AXDND1: variants seen among roughly 807,000 people sequenced by gnomAD.
AXDND1 encodes axonemal dynein light chain domain containing 1.
Under a neutral mutation model 137.5 loss-of-function variants are expected in AXDND1, and 110 were observed. The observed-to-expected ratio is 0.80, with a 90% CI of 0.69 to 0.94. The LOEUF (loss-of-function observed/expected upper bound fraction) is 0.94. AXDND1 is among the 40% of genes least tolerant of loss of function. The pLI, the probability that AXDND1 is intolerant of heterozygous loss-of-function variation, is 0.00. For synonymous variants in AXDND1, 414 were observed against 399.7 expected, an observed-to-expected ratio of 1.04 and a Z score of -0.43; for missense variants, 1,191 against 1,169.8, an observed-to-expected ratio of 1.02 and a Z score of -0.26.
rs1667970642 is a variant in AXDND1, at chr1:179,370,888, C to G, written c.374+810C>G. Among the ~76,000 whole-genome samples, 7 of 152,262 alleles carry G rather than the reference C, an allele frequency of 4.6e-5. No homozygotes were observed. In the South Asian group the frequency reaches 1.4e-3, roughly 32 times the overall value. On this transcript the variant is annotated intron_variant, in intron 4 of 25. Coordinates refer to ENST00000367618, the MANE Select transcript of AXDND1 (RefSeq NM_144696.6). ...TAAAGCACAAATAAGATAATAGATG[C>G]AAGAGCACTTGTAAAACTATAATGT...
intron 20 of AXDND1, among the ~76,000 whole-genome samples, chr1:179,505,604 C>T (rs930045325): frequency 2.6e-5 from 4 of 151,356 alleles, no homozygotes; most frequent in Non-Finnish European, 4.4e-5. Flanking sequence ...GCCGAGATTG[C>T]TCCACTGCAT....
intron 10 of AXDND1, among the ~76,000 whole-genome samples, chr1:179,394,893 G>A (rs1024512122): frequency 1.3e-5 from 2 of 152,066 alleles, no homozygotes; most frequent in African/African-American, 4.8e-5. Flanking sequence ...TCTGATTCCT[G>A]CCAGCCTGAT....
intron 9 of AXDND1, among the ~76,000 whole-genome samples, chr1:179,388,821 C>T (rs1469931622): frequency 6.6e-6 from 1 of 150,394 alleles, no homozygotes; most frequent in Non-Finnish European, 1.5e-5. Flanking sequence ...GTCTTGAACT[C>T]CTGGCCTCAA....
chr1:179,501,017 A>G (rs1397407148), intron 20 of AXDND1, among the ~76,000 whole-genome samples: 1 of 152,232 alleles, frequency 6.6e-6, no homozygotes, highest in Non-Finnish European at 1.5e-5. Flanking sequence ...CATATTAGCC[A>G]TATTTTAAGT....
intron 12 of AXDND1, among the ~76,000 whole-genome samples, chr1:179,423,243 T>C (rs894106974): frequency 7.2e-5 from 11 of 152,106 alleles, no homozygotes; most frequent in African/African-American, 2.4e-4. Flanking sequence ...TTATCTGATA[T>C]AAATATAGCT....
At chr1:179,481,617 C>T (rs137952272) in intron 17 of AXDND1, among the ~76,000 whole-genome samples, 6,952 of 152,232 alleles carry the variant, frequency 0.046, 240 homozygotes, top group Non-Finnish European at 0.069. Flanking sequence ...TAAAAGTGTT[C>T]CTATTTCCCC....
intron 6 of AXDND1, among the ~76,000 whole-genome samples, chr1:179,381,943 A>ATTTT (rs71111920): frequency 5.7e-5 from 6 of 105,434 alleles, no homozygotes; most frequent in Admixed American, 2.2e-4. Context: ...ACCACACCTA[A>ATTTT]TTTTTTTTTT....
chr1:179,504,113 A>G (rs749732258), intron 20 of AXDND1, among the ~76,000 whole-genome samples: 7 of 152,194 alleles, frequency 4.6e-5, no homozygotes, highest in Non-Finnish European at 8.8e-5. Context: ...ATATTTTACT[A>G]TTTGAAAATA....
At chr1:179,376,957 A>G (rs559768120) in intron 4 of AXDND1, among the ~76,000 whole-genome samples, 1 of 151,912 alleles carries the variant, frequency 6.6e-6, no homozygotes, top group South Asian at 2.1e-4. Context: ...TTTGAGATGG[A>G]GTCTCACTCT....
chr1:179,501,452 C>T (rs192874789), intron 20 of AXDND1, among the ~76,000 whole-genome samples: 57 of 152,298 alleles, frequency 3.7e-4, no homozygotes, highest in Non-Finnish European at 6.3e-4. Flanking sequence ...TGGCTCACGC[C>T]TGTAATCCCA....
At chr1:179,412,533 T>C (rs141997293) in intron 12 of AXDND1, among the ~76,000 whole-genome samples, 190 of 152,248 alleles carry the variant, frequency 1.2e-3, no homozygotes, top group African/African-American at 4.5e-3. Context: ...TCAAGTGTCC[T>C]AAAGCTAGAG....
At chr1:179,528,227 A>C in intron 22 of AXDND1, 100 bp from the exon 23 acceptor site, 1 of 756,326 alleles carries the variant, frequency 1.3e-6, no homozygotes, top group Non-Finnish European at 2.2e-6. Flanking sequence ...TGGAAAATGT[A>C]AGCTTCCAAC....
chr1:179,426,699 A>C (rs898525400), intron 12 of AXDND1, among the ~76,000 whole-genome samples: 2 of 152,204 alleles, frequency 1.3e-5, no homozygotes, highest in African/African-American at 4.8e-5. Flanking sequence ...TATCCACCAG[A>C]AGGGAAATTA....
chr1:179,479,859 C>G (rs111610709), intron 17 of AXDND1, among the ~76,000 whole-genome samples: 20 of 152,340 alleles, frequency 1.3e-4, no homozygotes, highest in African/African-American at 4.3e-4. Flanking sequence ...CCACAAATCT[C>G]TAAGACAGGG....
chr1:179,380,560 G>A (rs1279014933), intron 6 of AXDND1, among the ~76,000 whole-genome samples: 2 of 152,150 alleles, frequency 1.3e-5, no homozygotes, highest in African/African-American at 4.8e-5. Flanking sequence ...TTATGGGATT[G>A]AAAATAGGAT....
intron 17 of AXDND1, among the ~76,000 whole-genome samples, chr1:179,479,592 A>G (rs892834564): frequency 6.6e-6 from 1 of 151,358 alleles, no homozygotes; most frequent in African/African-American, 2.4e-5. Context: ...CCTCTCTAAC[A>G]TGGTGAAACC....
chr1:179,487,449 T>C (rs1666205246), intron 18 of AXDND1, among the ~76,000 whole-genome samples: 1 of 148,694 alleles, frequency 6.7e-6, no homozygotes, highest in African/African-American at 2.6e-5. Context: ...ATGTATGAAA[T>C]TAACAATATT....
At chr1:179,483,284 A>G in intron 18 of AXDND1, 63 bp downstream of exon 18, 1 of 1,083,580 alleles carries the variant, frequency 9.2e-7, no homozygotes, top group Middle Eastern at 2.1e-4. Flanking sequence ...TCTTCAAGGA[A>G]AAATAATGCT....
At chr1:179,514,122 G>C (rs1452516986) in intron 21 of AXDND1, among the ~76,000 whole-genome samples, 2 of 151,824 alleles carry the variant, frequency 1.3e-5, no homozygotes, top group African/African-American at 2.4e-5. Flanking sequence ...TTTGGGTTTG[G>C]TTTGTTCTTG....
Sources: allele counts gnomAD v4.1 joint callset (sites outside exome capture counted in the v4.1 genomes callset), GRCh38; gene constraint gnomAD v4.1.1; transcripts MANE v1.5; gene names NCBI Gene and HGNC (gene_info 2026-07-23, HGNC 2026-07-21).